Variants in SNTB1 observed in about 807,000 individuals in gnomAD.
SNTB1 encodes syntrophin beta 1.
SNTB1 carries 36 observed loss-of-function variants against 48.9 expected under a neutral mutation model. That is an observed-to-expected ratio of 0.74 (90% CI 0.56 to 0.97). The LOEUF (loss-of-function observed/expected upper bound fraction) is 0.97, where lower values mean the gene tolerates loss of function less well. Ranked by LOEUF, SNTB1 falls within the 50% of genes least tolerant of loss-of-function variation. SNTB1 has a pLI of 0.00. For missense variants in SNTB1, 786 were observed against 703.4 expected (o/e 1.12, Z -1.33); for synonymous variants, 299 against 294.6 (o/e 1.01, Z -0.15).
intron 2 of SNTB1, among the ~76,000 whole-genome samples, chr8:120,644,319 C>G (rs28771979): frequency 0.021 from 2,460 of 117,010 alleles, 98 homozygotes; most frequent in African/African-American, 0.077. Flanking sequence ...CCCCTCCCCC[C>G]ACCCCACAAC....
At chr8:120,692,624 C>T (rs977278850) in intron 2 of SNTB1, among the ~76,000 whole-genome samples, 11 of 152,066 alleles carry the variant, frequency 7.2e-5, no homozygotes, top group African/African-American at 2.4e-4. Context: ...TAGCCTGTGG[C>T]GTGCAAAGTC....
At chr8:120,653,594 A>G (rs1817445129) in intron 2 of SNTB1, among the ~76,000 whole-genome samples, 1 of 152,206 alleles carries the variant, frequency 6.6e-6, no homozygotes, top group Non-Finnish European at 1.5e-5. Context: ...TTACACAAAT[A>G]CATCATGTAA....
intron 3 of SNTB1, among the ~76,000 whole-genome samples, chr8:120,631,089 G>A (rs531748425): frequency 1.3e-5 from 2 of 152,318 alleles, no homozygotes; most frequent in South Asian, 4.1e-4. Flanking sequence ...ATTGAGTTGA[G>A]TTTTCTGCCA....
chr8:120,755,142 TTGTGTGTG>T (rs71308607), intron 1 of SNTB1, among the ~76,000 whole-genome samples: 77 of 59,740 alleles, frequency 1.3e-3, no homozygotes, highest in South Asian at 1.4e-3. Flanking sequence ...TGCTGTGGTG[TTGTGTGTG>T]TGTGTGTGTG....
intron 1 of SNTB1, among the ~76,000 whole-genome samples, chr8:120,751,604 A>G (rs947386143): frequency 6.6e-6 from 1 of 152,134 alleles, no homozygotes; most frequent in African/African-American, 2.4e-5. Context: ...ACCCATAAGC[A>G]TTTGACTTAT....
chr8:120,799,679 T>C (rs1445023032), intron 1 of SNTB1, among the ~76,000 whole-genome samples: 2 of 152,044 alleles, frequency 1.3e-5, no homozygotes, highest in Non-Finnish European at 2.9e-5. Flanking sequence ...GTTCAGTTAA[T>C]AGGATTTCCG....
intron 3 of SNTB1, among the ~76,000 whole-genome samples, chr8:120,595,315 C>A (rs1270329985): frequency 6.6e-6 from 1 of 152,110 alleles, no homozygotes; most frequent in Non-Finnish European, 1.5e-5. Context: ...AAACAGCTTG[C>A]AGTAAAGAAG....
intron 2 of SNTB1, chr8:120,654,825 G>A (rs1476868173): frequency 8.6e-6 from 3 of 348,914 alleles, no homozygotes; most frequent in African/African-American, 4.4e-5. Flanking sequence ...CTCCTACTAC[G>A]AAATTAATAA....
chr8:120,612,848 A>T (rs1229069748), intron 3 of SNTB1, among the ~76,000 whole-genome samples: 1 of 152,244 alleles, frequency 6.6e-6, no homozygotes, highest in Admixed American at 6.5e-5. Context: ...AGATCAAATT[A>T]GGGTATTTAG....
rs71306894 is a variant in SNTB1, at chr8:120,566,329, C to CAAA, written c.1136+8754_1136+8756dup. ...GGGCGACAAGAGCAAGACTCTGTCT[C>CAAA]AAAAAAAAAAAAAAAAAAAAAAAAG... is the stretch of plus-strand genomic sequence containing the variant. On this transcript the variant is annotated intron_variant, in intron 4 of 6. Transcript: ENST00000517992. Among the ~76,000 whole-genome samples the CAAA allele has an allele frequency of 1.8e-3, 143 of 78,042 alleles. 2 individuals are homozygous for CAAA. Among genetic ancestry groups the CAAA allele is most frequent in the East Asian group, 2.9e-3 (6 of 2,092 alleles). The allele number at this position is 78,042 out of a possible 152,430, so 51.2% of individuals were successfully genotyped here.
intron 1 of SNTB1, among the ~76,000 whole-genome samples, chr8:120,801,909 C>T (rs1042592205): frequency 6.6e-6 from 1 of 152,094 alleles, no homozygotes; most frequent in Non-Finnish European, 1.5e-5. Context: ...GGACCAAATT[C>T]GAGACCTGCA....
intron 1 of SNTB1, among the ~76,000 whole-genome samples, chr8:120,760,339 C>T (rs1012798844): frequency 2.0e-5 from 3 of 149,878 alleles, no homozygotes. Context: ...ATTCTTAGGT[C>T]TATCAGAGAA....
intron 2 of SNTB1, among the ~76,000 whole-genome samples, chr8:120,666,215 T>G (rs1043183080): frequency 2.0e-5 from 3 of 152,256 alleles, no homozygotes; most frequent in African/African-American, 7.2e-5. Context: ...TTTGATGTAA[T>G]TTTCTCTCTG....
chr8:120,662,917 C>T (rs992705841), intron 2 of SNTB1, among the ~76,000 whole-genome samples: 12 of 151,202 alleles, frequency 7.9e-5, no homozygotes, highest in Admixed American at 6.0e-4. Flanking sequence ...TCCTGCTAGG[C>T]AGCCTGCTAG....
intron 2 of SNTB1, among the ~76,000 whole-genome samples, chr8:120,656,317 G>A (rs1817502907): frequency 6.6e-6 from 1 of 152,146 alleles, no homozygotes; most frequent in Non-Finnish European, 1.5e-5. Flanking sequence ...TAAGCTCTGA[G>A]GGAAACTGAC....
chr8:120,733,695 T>C (rs1406948142), intron 1 of SNTB1, among the ~76,000 whole-genome samples: 2 of 152,236 alleles, frequency 1.3e-5, no homozygotes, highest in Admixed American at 6.5e-5. Context: ...AGGGTTTTCA[T>C]TGATAAGACT....
intron 1 of SNTB1, among the ~76,000 whole-genome samples, chr8:120,741,043 A>G (rs1234652517): frequency 6.6e-6 from 1 of 152,132 alleles, no homozygotes; most frequent in African/African-American, 2.4e-5. Flanking sequence ...CAATAACATC[A>G]CATCAGTCCT....
At chr8:120,770,052 A>G (rs1819592713) in intron 1 of SNTB1, among the ~76,000 whole-genome samples, 1 of 152,218 alleles carries the variant, frequency 6.6e-6, no homozygotes, top group South Asian at 2.1e-4. Flanking sequence ...GCTTGTAACC[A>G]GCCACTATAT....
Position 120,806,025 on chromosome 8 carries a change from T to C in SNTB1, c.571+5248A>G, listed in dbSNP as rs190620272. Reference sequence around the variant, plus strand: ...TCCGTGTAAAGTGCTTAAAACAGCATGTGGCACAATGTTTTGCATGTGTTA... The same window carrying C: ...TCCGTGTAAAGTGCTTAAAACAGCACGTGGCACAATGTTTTGCATGTGTTA... On this transcript the variant is annotated intron_variant, in intron 1 of 6. Coordinates refer to ENST00000517992, the MANE Select transcript of SNTB1 (RefSeq NM_021021.4). Among the ~76,000 whole-genome samples the C allele has an allele frequency of 3.3e-5, 5 of 152,338 alleles. No individual in the cohort carries two copies. The East Asian group carries it at 9.6e-4, about 29-fold the overall frequency.
Sources: allele counts gnomAD v4.1 joint callset (sites outside exome capture counted in the v4.1 genomes callset), GRCh38; gene constraint gnomAD v4.1.1; transcripts MANE v1.5; gene names NCBI Gene and HGNC (gene_info 2026-07-23, HGNC 2026-07-21).